Variants in FOXP1 observed in about 807,000 individuals in gnomAD.
The protein encoded by FOXP1 is forkhead box P1.
In FOXP1, 15 loss-of-function variants were observed where a neutral mutation model predicts 98.2. The ratio of observed to expected loss-of-function variants is 0.15; its 90% CI spans 0.10 to 0.24. FOXP1 has a LOEUF of 0.24. Among genes scored for constraint, FOXP1 ranks in the 10% least tolerant of loss-of-function variants. FOXP1 has a pLI of 1.00. For synonymous variants in FOXP1, 371 were observed against 314.5 expected, an observed-to-expected ratio of 1.18 and a Z score of -1.90; for missense variants, 633 against 848.5, an observed-to-expected ratio of 0.75 and a Z score of 3.15.
At chr3:71,239,720 G>A (rs957249167) in intron 5 of FOXP1, among the ~76,000 whole-genome samples, 3 of 152,130 alleles carry the variant, frequency 2.0e-5, no homozygotes, top group Non-Finnish European at 2.9e-5. Flanking sequence ...AAAGAATAAC[G>A]CTTTTTAAGT....
intron 5 of FOXP1, among the ~76,000 whole-genome samples, chr3:71,248,193 G>C (rs1254370720): frequency 6.6e-6 from 1 of 152,178 alleles, no homozygotes; most frequent in Non-Finnish European, 1.5e-5. Flanking sequence ...AAAATAGATA[G>C]TGTTCTATAT....
rs532843129 is a variant in FOXP1, at chr3:71,522,292, T to C, written c.-297-28737A>G. 2.6e-5 allele frequency among the ~76,000 whole-genome samples: 4 copies of C among 152,220 alleles called. No individual in the cohort carries two copies. The South Asian group carries it at 8.3e-4, about 32-fold the overall frequency. ...TTCATAATATTCCTATTTCTCAGGGTAAACTCTACTCTGCTTAAAAAGAGA... is the reference window on the plus strand; with the variant it reads ...TTCATAATATTCCTATTTCTCAGGGCAAACTCTACTCTGCTTAAAAAGAGA... On this transcript the variant is annotated intron_variant, in intron 2 of 20. Coordinates refer to ENST00000649528, the MANE Select transcript of FOXP1 (RefSeq NM_001349338.3).
intron 5 of FOXP1, among the ~76,000 whole-genome samples, chr3:71,207,245 G>GTGT (rs776005437): frequency 1.4e-3 from 104 of 72,850 alleles, no homozygotes; most frequent in African/African-American, 5.3e-3. Flanking sequence ...GTTCAGAAAA[G>GTGT]TCTTTTTTTT....
At chr3:70,994,755 T>G (rs905919339) in intron 13 of FOXP1, among the ~76,000 whole-genome samples, 1 of 152,208 alleles carries the variant, frequency 6.6e-6, no homozygotes, top group Non-Finnish European at 1.5e-5. Context: ...AGATCAACCT[T>G]GGTTTGGTTG....
chr3:70,987,968 T>C (rs747080000), intron 14 of FOXP1, 26 bp downstream of exon 14: 92 of 1,609,556 alleles, frequency 5.7e-5, no homozygotes, highest in Non-Finnish European at 7.4e-5. Flanking sequence ...TTTGTTTTTT[T>C]CCCCTTGGTG....
intron 2 of FOXP1, among the ~76,000 whole-genome samples, chr3:71,507,687 C>T (rs1040156468): frequency 6.6e-6 from 1 of 152,066 alleles, no homozygotes; most frequent in Non-Finnish European, 1.5e-5. Context: ...ACGCCATTCT[C>T]CTGCCTCAGC....
chr3:71,381,292 A>T (rs887494478), intron 3 of FOXP1, among the ~76,000 whole-genome samples: 2 of 151,828 alleles, frequency 1.3e-5, no homozygotes, highest in African/African-American at 4.8e-5. Context: ...CTGGAACTAC[A>T]GGCGCCTGCC....
At chr3:71,459,758 A>G (rs544259423) in intron 3 of FOXP1, among the ~76,000 whole-genome samples, 17 of 152,336 alleles carry the variant, frequency 1.1e-4, no homozygotes, top group African/African-American at 3.4e-4. Flanking sequence ...AAAAGACTAT[A>G]TATCATGATT....
chr3:71,192,812 G>A (rs1000740857), intron 6 of FOXP1, among the ~76,000 whole-genome samples: 1 of 152,098 alleles, frequency 6.6e-6, no homozygotes, highest in Non-Finnish European at 1.5e-5. Flanking sequence ...ATCACCCCTA[G>A]ATAACTTTTG....
intron 6 of FOXP1, chr3:71,130,561 G>C: frequency 1.3e-6 from 2 of 1,598,454 alleles, no homozygotes; most frequent in South Asian, 2.2e-5. Flanking sequence ...CCGTCTTCTT[G>C]CTGTAGATGG....
intron 6 of FOXP1, among the ~76,000 whole-genome samples, chr3:71,125,711 G>T (rs983831657): frequency 2.0e-5 from 3 of 152,204 alleles, no homozygotes; most frequent in Non-Finnish European, 4.4e-5. Context: ...CAGGCATGAA[G>T]AAGTAAGGAT....
chr3:71,041,919 C>T (rs1433249927), intron 10 of FOXP1, among the ~76,000 whole-genome samples: 1 of 152,170 alleles, frequency 6.6e-6, no homozygotes, highest in Non-Finnish European at 1.5e-5. Context: ...ATTATGACAA[C>T]ATGAACTACA....
chr3:71,390,724 T>G (rs1193309626), intron 3 of FOXP1, among the ~76,000 whole-genome samples: 1 of 152,248 alleles, frequency 6.6e-6, no homozygotes, highest in African/African-American at 2.4e-5. Flanking sequence ...ACATGGCAAC[T>G]TCTTGCAGAC....
chr3:71,167,972 A>G lies in FOXP1; in HGVS notation c.180+30230T>C, dbSNP rs2121782. ...TAAAGCATGTCCAAACTGAGCCAGT[A>G]AACAGCCTTAAGTTATTCTTTGAGA... is the stretch of plus-strand genomic sequence containing the variant. On this transcript the variant is annotated intron_variant, in intron 6 of 20. Coordinates refer to ENST00000649528, the MANE Select transcript of FOXP1 (RefSeq NM_001349338.3). Among the ~76,000 whole-genome samples the G allele has an allele frequency of 3.9e-5, 6 of 152,352 alleles. 1 individual carries two copies. In the South Asian group the frequency reaches 1.2e-3, roughly 32 times the overall value.
intron 6 of FOXP1, among the ~76,000 whole-genome samples, chr3:71,192,796 T>G (rs1479509405): frequency 6.6e-6 from 1 of 152,024 alleles, no homozygotes; most frequent in Non-Finnish European, 1.5e-5. Flanking sequence ...ACCACAGGCA[T>G]GTGCCATCAC....
intron 7 of FOXP1, among the ~76,000 whole-genome samples, chr3:71,084,249 C>G (rs1426557187): frequency 2.0e-5 from 3 of 151,962 alleles, no homozygotes; most frequent in African/African-American, 7.2e-5. Flanking sequence ...ACATTTTCAC[C>G]CTCTAAAAAA....
chr3:71,162,890 C>T (rs546866560), intron 6 of FOXP1, among the ~76,000 whole-genome samples: 1 of 152,256 alleles, frequency 6.6e-6, no homozygotes, highest in South Asian at 2.1e-4. Flanking sequence ...ATAAAATCTT[C>T]CCGGTAGCAT....
chr3:71,167,652 G>A (rs941268274), intron 6 of FOXP1, among the ~76,000 whole-genome samples: 1 of 152,180 alleles, frequency 6.6e-6, no homozygotes, highest in Non-Finnish European at 1.5e-5. Context: ...TTAAGAGGAT[G>A]TCTTACTGCA....
intron 19 of FOXP1, chr3:70,968,793 T>C (rs931094520): frequency 6.6e-6 from 1 of 152,192 alleles, no homozygotes; most frequent in Non-Finnish European, 1.5e-5. Context: ...AAATAGGCGG[T>C]AATGGAAAGG....
Sources: gnomAD v4.1 joint callset for allele counts (sites outside exome capture counted in the v4.1 genomes callset) on GRCh38, gnomAD v4.1.1 for gene constraint, MANE v1.5 for transcripts, NCBI Gene and HGNC (gene_info 2026-07-23, HGNC 2026-07-21) for gene names.